DLGAP2: variants seen among roughly 807,000 people sequenced by gnomAD.
DLGAP2 encodes disks large-associated protein 2.
A neutral mutation model predicts 100.3 loss-of-function variants in DLGAP2; 26 were observed. The observed-to-expected ratio is 0.26, with a 90% CI of 0.19 to 0.36. The LOEUF (loss-of-function observed/expected upper bound fraction) is 0.36, where lower values mean the gene tolerates loss of function less well. Among genes scored for constraint, DLGAP2 ranks in the 10% least tolerant of loss-of-function variants. The probability of loss-of-function intolerance (pLI) is 1.00; values close to 1 mark genes in which losing one functional copy is unlikely to be tolerated. For missense variants in DLGAP2, 1,858 were observed against 1,453.2 expected (o/e 1.28, Z -4.53); for synonymous variants, 886 against 630.1 (o/e 1.41, Z -6.08).
chr8:1,069,991 C>T (rs567664801), intron 2 of DLGAP2, among the ~76,000 whole-genome samples: 4 of 152,230 alleles, frequency 2.6e-5, no homozygotes, highest in Non-Finnish European at 4.4e-5. Context: ...ACATTAAACA[C>T]ACATTTAGCT....
intron 6 of DLGAP2, among the ~76,000 whole-genome samples, chr8:1,613,559 A>G (rs1797052077): frequency 1.3e-5 from 2 of 152,062 alleles, no homozygotes; most frequent in African/African-American, 4.8e-5. Flanking sequence ...AAAAAAAGAA[A>G]AGAAAAGAAA....
At chr8:987,457 G>A (rs563330343) in intron 2 of DLGAP2, among the ~76,000 whole-genome samples, 5 of 152,180 alleles carry the variant, frequency 3.3e-5, no homozygotes, top group Non-Finnish European at 7.3e-5. Flanking sequence ...CAGGTCTCCA[G>A]AGACCACAGG....
intron 2 of DLGAP2, among the ~76,000 whole-genome samples, chr8:981,541 A>T (rs1800331642): frequency 6.6e-6 from 1 of 152,168 alleles, no homozygotes; most frequent in Admixed American, 6.5e-5. Flanking sequence ...ACATTTTACC[A>T]GCAGCGTACG....
intron 2 of DLGAP2, among the ~76,000 whole-genome samples, chr8:1,191,450 G>T (rs1024777737): frequency 2.0e-5 from 3 of 152,190 alleles, no homozygotes; most frequent in South Asian, 2.1e-4. Context: ...GATTATAGGC[G>T]TGAGCCACCG....
intron 2 of DLGAP2, among the ~76,000 whole-genome samples, chr8:1,026,276 G>A (rs906438278): frequency 2.0e-5 from 3 of 152,170 alleles, no homozygotes; most frequent in East Asian, 1.9e-4. Context: ...CTGAGATGGC[G>A]CGCTTGCCCC....
intron 12 of DLGAP2, among the ~76,000 whole-genome samples, chr8:1,687,169 A>G (rs1185519351): frequency 6.6e-6 from 1 of 152,216 alleles, no homozygotes; most frequent in Non-Finnish European, 1.5e-5. Context: ...TCAAATGATC[A>G]TTTCCGACTC....
chr8:746,944 G>A (rs934678822), intron 1 of DLGAP2, among the ~76,000 whole-genome samples: 6 of 152,160 alleles, frequency 3.9e-5, no homozygotes, highest in African/African-American at 1.4e-4. Context: ...GGACACCTTT[G>A]CAGTAAGGAA....
At chr8:1,642,217 C>A (rs377636235) in intron 8 of DLGAP2, among the ~76,000 whole-genome samples, 13 of 14,954 alleles carry the variant, frequency 8.7e-4, no homozygotes, top group Non-Finnish European at 9.2e-4. Flanking sequence ...TCACCCTCGA[C>A]CCCGCCGGCC....
At chr8:1,677,591 T>C (rs1416020536) in intron 11 of DLGAP2, among the ~76,000 whole-genome samples, 1 of 152,210 alleles carries the variant, frequency 6.6e-6, no homozygotes, top group African/African-American at 2.4e-5. Context: ...CACAGTGTTC[T>C]CACCCAGCAT....
intron 1 of DLGAP2, among the ~76,000 whole-genome samples, chr8:880,236 A>C (rs1293164422): frequency 1.3e-5 from 2 of 152,034 alleles, no homozygotes; most frequent in African/African-American, 4.8e-5. Context: ...CTTTTTGACC[A>C]CATCCTCCTA....
At chr8:1,490,717 G>A (rs1162373703) in intron 3 of DLGAP2, among the ~76,000 whole-genome samples, 1 of 152,170 alleles carries the variant, frequency 6.6e-6, no homozygotes, top group Admixed American at 6.5e-5. Context: ...GAACTGACCT[G>A]GGCCCCACAC....
chr8:1,195,337 G>T (rs1797728953), intron 2 of DLGAP2, among the ~76,000 whole-genome samples: 1 of 152,260 alleles, frequency 6.6e-6, no homozygotes, highest in Admixed American at 6.5e-5. Flanking sequence ...TGTCTACCAG[G>T]CATGGAGGCC....
At chr8:1,065,741 C>T (rs952513638) in intron 2 of DLGAP2, among the ~76,000 whole-genome samples, 93 of 152,298 alleles carry the variant, frequency 6.1e-4, no homozygotes, top group African/African-American at 1.9e-3. Flanking sequence ...TTAAGTACAT[C>T]GTTTGCTCCT....
chr8:1,359,363 A>G (rs1422322224), intron 3 of DLGAP2, among the ~76,000 whole-genome samples: 1 of 152,254 alleles, frequency 6.6e-6, no homozygotes, highest in Non-Finnish European at 1.5e-5. Flanking sequence ...TTTAGGAGAA[A>G]GGAAATTGAG....
intron 1 of DLGAP2, among the ~76,000 whole-genome samples, chr8:835,411 C>T (rs1428187968): frequency 2.0e-5 from 3 of 152,112 alleles, no homozygotes; most frequent in Admixed American, 2.0e-4. Flanking sequence ...CGACATCGCT[C>T]CCAGGCCAGG....
intron 3 of DLGAP2, among the ~76,000 whole-genome samples, chr8:1,337,405 A>C (rs373832379): frequency 7.4e-3 from 3 of 404 alleles, no homozygotes; most frequent in East Asian, 0.083. Context: ...GATGGTGATG[A>C]TGGTGATGGT....
At chr8:1,593,172 A>C (rs1355608084) in intron 6 of DLGAP2, among the ~76,000 whole-genome samples, 6 of 152,172 alleles carry the variant, frequency 3.9e-5, no homozygotes, top group Non-Finnish European at 8.8e-5. Flanking sequence ...TTTAGACACT[A>C]GGCCTGGCGT....
intron 1 of DLGAP2, among the ~76,000 whole-genome samples, chr8:758,067 C>T (rs1820965992): frequency 1.3e-5 from 2 of 152,172 alleles, no homozygotes; most frequent in Admixed American, 1.3e-4. Context: ...ATGGTAATTT[C>T]ACCACTTACC....
intron 3 of DLGAP2, among the ~76,000 whole-genome samples, chr8:1,266,499 A>G (rs1799454013): frequency 6.6e-6 from 1 of 152,208 alleles, no homozygotes; most frequent in Non-Finnish European, 1.5e-5. Context: ...TTACCAAAGC[A>G]TAAGTCAGAT....
Sources: gnomAD v4.1 joint callset for allele counts (sites outside exome capture counted in the v4.1 genomes callset) on GRCh38, gnomAD v4.1.1 for gene constraint, MANE v1.5 for transcripts, NCBI Gene and HGNC (gene_info 2026-07-23, HGNC 2026-07-21) for gene names.